The following SUGCT variants were observed in gnomAD, a reference collection of about 807,000 sequenced individuals.
SUGCT encodes the protein succinyl-CoA:glutarate-CoA transferase.
A neutral mutation model predicts 55.0 loss-of-function variants in SUGCT; 41 were observed. That is an observed-to-expected ratio of 0.74 (90% confidence interval 0.58 to 0.97). SUGCT has a LOEUF of 0.97. SUGCT is among the 50% of genes least tolerant of loss of function. The probability of loss-of-function intolerance (pLI) is 0.00; values close to 1 mark genes in which losing one functional copy is unlikely to be tolerated. For synonymous variants in SUGCT, 187 were observed against 200.4 expected, an observed-to-expected ratio of 0.93 and a Z score of 0.56; for missense variants, 568 against 547.8, an observed-to-expected ratio of 1.04 and a Z score of -0.37.
chr7:40,468,925 T>C (rs1790267418), intron 11 of SUGCT, among the ~76,000 whole-genome samples: 1 of 152,088 alleles, frequency 6.6e-6, no homozygotes, highest in Non-Finnish European at 1.5e-5. Flanking sequence ...AATGAGAAGC[T>C]GAGAGCAGTT....
intron 11 of SUGCT, among the ~76,000 whole-genome samples, chr7:40,470,775 CTCTCTG>C (rs1377691638): frequency 6.6e-6 from 1 of 151,964 alleles, no homozygotes; most frequent in Non-Finnish European, 1.5e-5. Context: ...CTCTCTCTCT[CTCTCTG>C]TCTTTCTCTC....
In SUGCT at chr7:40,274,588, G is replaced by A. The variant is rs772806071; in HGVS notation, c.652G>A (p.Ala218Thr). ...TGLYAYGAIM[A>T]GLIQKYKTGK... ...CCTGTATGCATATGGAGCTATTATG[G>A]CTGGATTGATACAAAAATACAAAAC... Residue 218 changes from alanine (A) to threonine (T), a missense_variant, in exon 8 of 14, where the codon GCT (alanine) becomes ACT (threonine). By Grantham distance (58) the Ala-to-Thr change is moderately conservative. Coordinates refer to ENST00000335693, the MANE Select transcript of SUGCT (RefSeq NM_001193313.2). 6.2e-7 allele frequency: 1 copy of A among 1,613,676 alleles called. No individual in the cohort carries two copies. Among genetic ancestry groups the A allele is most frequent in the Non-Finnish European group, 8.5e-7 (1 of 1,179,744 alleles).
chr7:40,259,410 C>T (rs181955439), intron 7 of SUGCT, among the ~76,000 whole-genome samples: 16 of 152,232 alleles, frequency 1.1e-4, no homozygotes, highest in Non-Finnish European at 1.6e-4. Context: ...ACTGTGGCTA[C>T]GCGACTGTAT....
chr7:40,762,539 G>T (rs926908456), intron 13 of SUGCT, among the ~76,000 whole-genome samples: 1 of 152,182 alleles, frequency 6.6e-6, no homozygotes, highest in Non-Finnish European at 1.5e-5. Flanking sequence ...AACAGTAGGG[G>T]TGATTTGGCT....
At chr7:40,886,977 T>C in the SUGCT span, among the ~76,000 whole-genome samples, 3 of 152,312 alleles carry the variant, frequency 2.0e-5, no homozygotes, top group Middle Eastern at 3.4e-3. Flanking sequence ...TGGGATCTCC[T>C]ACTTCCGTTT....
chr7:40,487,250 G>GTTTT (rs1167865633), intron 11 of SUGCT, among the ~76,000 whole-genome samples: 17 of 42,906 alleles, frequency 4.0e-4, no homozygotes, highest in Non-Finnish European at 5.9e-4. Context: ...ACACCCAGCT[G>GTTTT]TTTTTTTTTT....
At chr7:40,281,191 G>C (rs114939383) in intron 8 of SUGCT, among the ~76,000 whole-genome samples, 1 of 152,042 alleles carries the variant, frequency 6.6e-6, no homozygotes, top group Non-Finnish European at 1.5e-5. Flanking sequence ...TGTGCCTACT[G>C]TGCATAATTG....
chr7:40,533,081 G>A (rs557586346), intron 12 of SUGCT, among the ~76,000 whole-genome samples: 12 of 152,214 alleles, frequency 7.9e-5, no homozygotes, highest in African/African-American at 2.9e-4. Flanking sequence ...GCAAGCTAAA[G>A]TAATATGCCC....
chr7:40,559,401 G>A (rs781733226), intron 12 of SUGCT, among the ~76,000 whole-genome samples: 5 of 152,212 alleles, frequency 3.3e-5, no homozygotes, highest in South Asian at 2.1e-4. Context: ...CTTATTTGTC[G>A]TGCTGTTTGT....
rs540197464 is a variant in SUGCT, at chr7:40,404,022, G to C, written c.817-45265G>C. On this transcript the variant is annotated intron_variant, in intron 9 of 13. Coordinates refer to ENST00000335693, the MANE Select transcript of SUGCT (RefSeq NM_001193313.2). ...TCCACGCTGTAGCCATATAGGAAAAGGAGATAAGGAAGGGATCAGGAAAAG... is the reference window on the plus strand; with the variant it reads ...TCCACGCTGTAGCCATATAGGAAAACGAGATAAGGAAGGGATCAGGAAAAG... Among the ~76,000 whole-genome samples, 5 of 152,290 alleles carry C rather than the reference G, an allele frequency of 3.3e-5. No individual in the cohort carries two copies. The South Asian group carries it at 6.2e-4, about 19-fold the overall frequency.
chr7:41,024,187 A>G, the SUGCT span, among the ~76,000 whole-genome samples: 1 of 152,212 alleles, frequency 6.6e-6, no homozygotes, highest in Non-Finnish European at 1.5e-5. Context: ...CACTATACAG[A>G]AAATTACGTT....
At chr7:40,963,827 C>T in the SUGCT span, among the ~76,000 whole-genome samples, 2 of 152,200 alleles carry the variant, frequency 1.3e-5, no homozygotes, top group African/African-American at 4.8e-5. Context: ...GTCAAACTGC[C>T]GTGTTTCATG....
chr7:40,860,573 TAAA>T lies in SUGCT; in HGVS notation c.*97_*99del, dbSNP rs1794455109. On this transcript the variant is annotated 3_prime_UTR_variant, in exon 14 of 14. Coordinates refer to ENST00000335693, the MANE Select transcript of SUGCT (RefSeq NM_001193313.2). ...CCCTTCTCCCCAGTTCTGATACCAC[TAAA>T]AAGAAGATTTAGAGTAACTCCAGAT... 1.5e-6 allele frequency: 2 copies of T among 1,347,392 alleles called. No homozygotes were observed. Among genetic ancestry groups the T allele is most frequent in the Admixed American group, 2.7e-5 (1 of 37,332 alleles). The allele number at this position is 1,347,392 out of a possible 1,614,324, so 83.5% of individuals were successfully genotyped here.
the SUGCT span, among the ~76,000 whole-genome samples, chr7:40,906,070 A>G: frequency 6.6e-6 from 1 of 151,836 alleles, no homozygotes; most frequent in Non-Finnish European, 1.5e-5. Flanking sequence ...TATTAACTGC[A>G]TTCATACTGT....
chr7:40,140,118 G>A (rs1787907757), intron 1 of SUGCT, among the ~76,000 whole-genome samples: 1 of 151,944 alleles, frequency 6.6e-6, no homozygotes, highest in Non-Finnish European at 1.5e-5. Flanking sequence ...TGGTCAGGCT[G>A]GCCTCAAACT....
At chr7:40,527,835 A>T (rs1441415160) in intron 12 of SUGCT, among the ~76,000 whole-genome samples, 1 of 152,198 alleles carries the variant, frequency 6.6e-6, no homozygotes, top group Non-Finnish European at 1.5e-5. Context: ...TGGTTCTGGG[A>T]ATTATTATGC....
At chr7:40,820,733 T>C (rs550571811) in intron 13 of SUGCT, among the ~76,000 whole-genome samples, 62 of 152,282 alleles carry the variant, frequency 4.1e-4, no homozygotes, top group South Asian at 8.3e-4. Context: ...TGACTTCCTC[T>C]TTTCCTAACT....
chr7:40,376,012 A>G (rs1190959149), intron 9 of SUGCT, among the ~76,000 whole-genome samples: 1 of 152,226 alleles, frequency 6.6e-6, no homozygotes, highest in Non-Finnish European at 1.5e-5. Context: ...AATGTGTGTT[A>G]TAACAGAAAT....
intron 12 of SUGCT, among the ~76,000 whole-genome samples, chr7:40,522,912 T>A (rs999933229): frequency 2.0e-5 from 3 of 152,106 alleles, no homozygotes; most frequent in Non-Finnish European, 4.4e-5. Context: ...TTCCAAAAAA[T>A]TTTAGAATTC....
Sources: allele counts gnomAD v4.1 joint callset (sites outside exome capture counted in the v4.1 genomes callset), GRCh38; gene constraint gnomAD v4.1.1; transcripts MANE v1.5; gene names NCBI Gene and HGNC (gene_info 2026-07-23, HGNC 2026-07-21).